The following CACNB4 variants were observed in gnomAD, a reference collection of about 807,000 sequenced individuals.
CACNB4 encodes calcium voltage-gated channel auxiliary subunit beta 4.
A neutral mutation model predicts 71.2 loss-of-function variants in CACNB4; 32 were observed. The observed-to-expected ratio is 0.45, with a 90% CI of 0.34 to 0.60. CACNB4 has a LOEUF of 0.60. Among genes scored for constraint, CACNB4 ranks in the 20% least tolerant of loss-of-function variants. The pLI is 0.01. For synonymous variants in CACNB4, 231 were observed against 236.9 expected, an observed-to-expected ratio of 0.97 and a Z score of 0.23; for missense variants, 464 against 647.9, an observed-to-expected ratio of 0.72 and a Z score of 3.08.
intron 2 of CACNB4, among the ~76,000 whole-genome samples, chr2:151,915,505 G>A (rs1416194475): frequency 3.9e-5 from 6 of 152,214 alleles, no homozygotes; most frequent in Admixed American, 2.6e-4. Context: ...CCTCCCCTGC[G>A]GGGGTTCTGT....
intron 2 of CACNB4, among the ~76,000 whole-genome samples, chr2:152,082,937 A>G (rs1163642099): frequency 1.3e-5 from 2 of 152,206 alleles, no homozygotes; most frequent in Non-Finnish European, 2.9e-5. Flanking sequence ...ATTTTCTGTT[A>G]TATTTATTTT....
intron 3 of CACNB4, 93 bp downstream of exon 3, chr2:151,883,143 AGAATAATCACAAAAT>A: frequency 8.5e-7 from 1 of 1,169,654 alleles, no homozygotes; most frequent in Non-Finnish European, 1.3e-6. Context: ...GAGCCTTGTT[AGAATAATCACAAAAT>A]GATTATTCCA....
At chr2:151,882,850 G>A in intron 3 of CACNB4, 1 of 260,496 alleles carries the variant, frequency 3.8e-6, no homozygotes, top group Non-Finnish European at 7.5e-6. Flanking sequence ...GAGAAGAGTA[G>A]AGAAACAAAC....
chr2:152,059,163 G>A (rs1685877638), intron 2 of CACNB4, among the ~76,000 whole-genome samples: 1 of 152,244 alleles, frequency 6.6e-6, no homozygotes, highest in South Asian at 2.1e-4. Context: ...AGTGCAGAAG[G>A]GAAATGTGGG....
At chr2:151,941,413 C>T (rs1438921274) in intron 2 of CACNB4, among the ~76,000 whole-genome samples, 1 of 151,292 alleles carries the variant, frequency 6.6e-6, no homozygotes, top group African/African-American at 2.4e-5. Flanking sequence ...ACCCGAGTAG[C>T]TGGGATTACA....
At chr2:151,991,186 T>C (rs1681685306) in intron 2 of CACNB4, among the ~76,000 whole-genome samples, 1 of 152,232 alleles carries the variant, frequency 6.6e-6, no homozygotes, top group African/African-American at 2.4e-5. Context: ...GCTTGGACTC[T>C]GAACACTGGA....
At chr2:151,848,778 T>C (rs1020672197) in intron 12 of CACNB4, among the ~76,000 whole-genome samples, 1 of 152,114 alleles carries the variant, frequency 6.6e-6, no homozygotes, top group African/African-American at 2.4e-5. Context: ...TGTAACTAAG[T>C]AGGATTAAAG....
chr2:151,991,306 A>G lies in CACNB4; in HGVS notation c.147+107024T>C, dbSNP rs1681691133. Among the ~76,000 whole-genome samples the G allele has an allele frequency of 2.0e-5, 3 of 152,352 alleles. No homozygotes were observed. The South Asian group carries it at 6.2e-4, about 32-fold the overall frequency. Reference sequence around the variant, plus strand: ...TCCAATTTAGTTCTTATTAATCAATAACATTTAATCCAAAATCCAAATTCT... The same window carrying G: ...TCCAATTTAGTTCTTATTAATCAATGACATTTAATCCAAAATCCAAATTCT... On this transcript the variant is annotated intron_variant, in intron 2 of 13. Coordinates refer to ENST00000539935, the MANE Select transcript of CACNB4 (RefSeq NM_000726.5).
chr2:151,873,915 T>C (rs1393886620), intron 5 of CACNB4: 1 of 152,202 alleles, frequency 6.6e-6, no homozygotes, highest in Non-Finnish European at 1.5e-5. Flanking sequence ...CCCTCATGAA[T>C]GGTTTGGCAC....
At chr2:151,901,837 A>G (rs976889780) in intron 2 of CACNB4, among the ~76,000 whole-genome samples, 3 of 152,226 alleles carry the variant, frequency 2.0e-5, no homozygotes, top group Admixed American at 1.3e-4. Context: ...AAAGAATTCC[A>G]GAGAACTTGG....
At position 151,835,044 on chromosome 2, in the gene CACNB4, C is replaced by T. The variant is rs2099834611; in HGVS notation, c.*4075G>A. 6.6e-6 allele frequency: 1 copy of T among 151,908 alleles called. No homozygotes were observed. Among genetic ancestry groups the T allele is most frequent in the South Asian group, 2.1e-4 (1 of 4,820 alleles). 9.4% of individuals were successfully genotyped at this position (151,908 alleles called of 1,614,324 possible). Reference sequence around the variant, plus strand: ...GTCCAAGATTATGCATATCCTTACCCAGTAAATGGCTAAGTCATGCTCTGT... The same window carrying T: ...GTCCAAGATTATGCATATCCTTACCTAGTAAATGGCTAAGTCATGCTCTGT... On this transcript the variant is annotated 3_prime_UTR_variant, in exon 14 of 14. Transcript: ENST00000539935.
At chr2:151,860,036 C>G (rs887235328) in intron 10 of CACNB4, 2 of 152,236 alleles carry the variant, frequency 1.3e-5, no homozygotes, top group African/African-American at 4.8e-5. Flanking sequence ...CATGAGTGGA[C>G]TACACCACCC....
chr2:152,064,976 T>C (rs1686229256), intron 2 of CACNB4, among the ~76,000 whole-genome samples: 2 of 152,140 alleles, frequency 1.3e-5, no homozygotes, highest in Admixed American at 1.3e-4. Context: ...AGCGCTCCTA[T>C]GAAACTTCAA....
chr2:152,000,137 A>C lies in CACNB4; in HGVS notation c.147+98193T>G, dbSNP rs141605905. 3.1e-3 allele frequency among the ~76,000 whole-genome samples: 473 copies of C among 152,292 alleles called. 4 individuals are homozygous for C. Among genetic ancestry groups the C allele is most frequent in the African/African-American group, 0.011 (453 of 41,550 alleles). ...ACAATGATGCTCATTTGCATCAGCAAATTGAGTTTCTTTCCTCCACCACCC... is the reference window on the plus strand; with the variant it reads ...ACAATGATGCTCATTTGCATCAGCACATTGAGTTTCTTTCCTCCACCACCC... On this transcript the variant is annotated intron_variant, in intron 2 of 13. Coordinates refer to ENST00000539935, the MANE Select transcript of CACNB4 (RefSeq NM_000726.5).
At chr2:151,924,047 T>C (rs1402516186) in intron 2 of CACNB4, among the ~76,000 whole-genome samples, 2 of 148,836 alleles carry the variant, frequency 1.3e-5, no homozygotes, top group East Asian at 2.0e-4. Flanking sequence ...CATACATACA[T>C]ACGTGCGTGT....
rs967541290 is a variant in CACNB4 at position 151,913,666 on chromosome 2, T to C, written c.148-30296A>G. Among the ~76,000 whole-genome samples, 8 of 147,106 alleles carry C rather than the reference T, an allele frequency of 5.4e-5. No individual in the cohort carries two copies. In the Admixed American group the frequency reaches 5.6e-4, roughly 10 times the overall value. On this transcript the variant is annotated intron_variant, in intron 2 of 13. Coordinates refer to ENST00000539935, the MANE Select transcript of CACNB4 (RefSeq NM_000726.5). Reference sequence around the variant, plus strand: ...CTGTAGTCCCAGCTACTCAGGAGGCTGAGGCAGGCGAATGGCATGAACCCA... The same window carrying C: ...CTGTAGTCCCAGCTACTCAGGAGGCCGAGGCAGGCGAATGGCATGAACCCA...
At chr2:151,919,660 C>T (rs1162021385) in intron 2 of CACNB4, among the ~76,000 whole-genome samples, 1 of 152,168 alleles carries the variant, frequency 6.6e-6, no homozygotes. Context: ...CACTGCCTCG[C>T]CATACTCCCA....
rs532244355 is a variant in CACNB4 at position 152,008,377 on chromosome 2, C to A, written c.147+89953G>T. Among the ~76,000 whole-genome samples the A allele has an allele frequency of 4.6e-5, 7 of 152,242 alleles. No homozygotes were observed. In the East Asian group the frequency reaches 1.2e-3, roughly 25 times the overall value. Reference sequence around the variant, plus strand: ...TCTCAGCTCAGTGCAACCTCCGCCTCCCGGGTTCAAGTGATTCTCTTGCCT... The same window carrying A: ...TCTCAGCTCAGTGCAACCTCCGCCTACCGGGTTCAAGTGATTCTCTTGCCT... On this transcript the variant is annotated intron_variant, in intron 2 of 13. Transcript: ENST00000539935.
intron 2 of CACNB4, among the ~76,000 whole-genome samples, chr2:151,930,807 C>A (rs548285065): frequency 6.6e-5 from 10 of 152,204 alleles, no homozygotes; most frequent in African/African-American, 2.4e-4. Flanking sequence ...TATTTACATA[C>A]AGTATATATG....
Sources: gnomAD v4.1 joint callset for allele counts (sites outside exome capture counted in the v4.1 genomes callset) on GRCh38, gnomAD v4.1.1 for gene constraint, MANE v1.5 for transcripts, NCBI Gene and HGNC (gene_info 2026-07-23, HGNC 2026-07-21) for gene names.